The following ZCCHC14 variants were observed in gnomAD, a reference collection of about 807,000 sequenced individuals.
ZCCHC14 encodes the protein zinc finger CCHC-type containing 14.
ZCCHC14 carries 16 observed loss-of-function variants against 85.0 expected under a neutral mutation model. That is an observed-to-expected ratio of 0.19 (90% confidence interval 0.13 to 0.29). The LOEUF is 0.29. Ranked by LOEUF, ZCCHC14 falls within the 10% of genes least tolerant of loss-of-function variation. ZCCHC14 has a pLI of 1.00. For synonymous variants in ZCCHC14, 775 were observed against 630.7 expected, an observed-to-expected ratio of 1.23 and a Z score of -3.43; for missense variants, 1,303 against 1,443.5, an observed-to-expected ratio of 0.90 and a Z score of 1.58.
At chr16:87,411,419 C>A in intron 12 of ZCCHC14, 97 bp downstream of exon 12, 1 of 1,540,276 alleles carries the variant, frequency 6.5e-7, no homozygotes, top group Non-Finnish European at 8.7e-7. Flanking sequence ...AAATTATTTG[C>A]TTTACAAAGA....
chr16:87,469,710 A>G (rs1911693715), intron 1 of ZCCHC14, among the ~76,000 whole-genome samples: 1 of 152,166 alleles, frequency 6.6e-6, no homozygotes, highest in Admixed American at 6.5e-5. Flanking sequence ...GCTGTCACAG[A>G]GACTCGGAGC....
intron 2 of ZCCHC14, among the ~76,000 whole-genome samples, chr16:87,441,371 C>T (rs1003566145): frequency 9.9e-5 from 15 of 152,192 alleles, no homozygotes; most frequent in Non-Finnish European, 1.6e-4. Context: ...TCATCTTTCC[C>T]GGTTTTGTCT....
chr16:87,463,579 G>A (rs1305529701), intron 1 of ZCCHC14, among the ~76,000 whole-genome samples: 1 of 152,156 alleles, frequency 6.6e-6, no homozygotes. Context: ...AGCACTCTGG[G>A]AGGCCGAGGC....
In ZCCHC14 at chr16:87,418,868, G is replaced by T; in HGVS notation, c.1079C>A (p.Thr360Asn). The T allele has an allele frequency of 6.2e-7, 1 of 1,613,232 alleles. No individual in the cohort carries two copies. Among genetic ancestry groups the T allele is most frequent in the Admixed American group, 1.7e-5 (1 of 59,992 alleles). Residue 360 changes from threonine to asparagine, a missense_variant, in exon 7 of 13, where the codon ACC becomes AAC. Thr to Asn is a moderately conservative substitution (Grantham distance 65). This residue lies in a region of ZCCHC14 where 389 missense variants were observed against 397.8 expected (regional missense o/e 0.98). Transcript: ENST00000671377. ...TCACCTTCCAGACACGCCCATCACG[G>T]TACCTACTTTAGAAAGGGAGGGATT... ...PGNPSLSKVG[T>N]VMGVSGRPVC...
Position 87,420,332 on chromosome 16 carries a change from C to G in ZCCHC14, c.950+275G>C, listed in dbSNP as rs898579309. Among the ~76,000 whole-genome samples, 3 of 152,242 alleles carry G rather than the reference C, an allele frequency of 2.0e-5. No individual in the cohort carries two copies. Among genetic ancestry groups the G allele is most frequent in the African/African-American group, 7.2e-5 (3 of 41,464 alleles). On this transcript the variant is annotated intron_variant, in intron 5 of 12. Coordinates refer to ENST00000671377, the MANE Select transcript of ZCCHC14 (RefSeq NM_015144.3). This position sits in a 1 kb window ranked among gnomAD's most constrained non-coding sequence, Gnocchi z 5.0. ...TCAACCTTGGACTACAGGATGGAAA[C>G]AGCAGCCCAGGATTATTTCACAGGA...
chr16:87,467,123 G>A lies in ZCCHC14; in HGVS notation c.571-6992C>T. ...TGACCTCTAACTCCTGGCCTCAAAA[G>A]TGGTCCTCCACCAGATCAGACCTGT... On this transcript the variant is annotated intron_variant, in intron 1 of 12. Transcript: ENST00000671377. 5.1e-6 allele frequency: 4 copies of A among 785,668 alleles called. No individual in the cohort carries two copies. In the South Asian group the frequency reaches 6.2e-5, roughly 12 times the overall value. 48.7% of individuals were successfully genotyped at this position (785,668 alleles called of 1,614,324 possible).
chr16:87,481,660 G>C (rs1322874048), intron 1 of ZCCHC14, among the ~76,000 whole-genome samples: 1 of 151,286 alleles, frequency 6.6e-6, no homozygotes, highest in African/African-American at 2.4e-5. Flanking sequence ...GGTGTCACTG[G>C]AGACAAATCT....
At chr16:87,413,662 C>T (rs1908610745) in intron 10 of ZCCHC14, among the ~76,000 whole-genome samples, 1 of 152,128 alleles carries the variant, frequency 6.6e-6, no homozygotes, top group South Asian at 2.1e-4. Flanking sequence ...AGCAAGCGCG[C>T]CAGGTGTCCC....
intron 1 of ZCCHC14, among the ~76,000 whole-genome samples, chr16:87,463,037 C>T (rs1054130568): frequency 3.3e-5 from 5 of 152,164 alleles, no homozygotes; most frequent in African/African-American, 4.8e-5. Flanking sequence ...CATTGCACTC[C>T]AGCCTGGGCA....
chr16:87,412,133 C>T lies in ZCCHC14; in HGVS notation c.2588G>A (p.Cys863Tyr), dbSNP rs763019844. 4.3e-6 allele frequency: 7 copies of T among 1,613,658 alleles called. No homozygotes were observed. Among genetic ancestry groups the T allele is most frequent in the Non-Finnish European group, 3.4e-6 (4 of 1,180,022 alleles). Residue 863 changes from cysteine (C) to tyrosine (Y), a missense_variant, in exon 12 of 13, where the codon TGC (cysteine) becomes TAC (tyrosine). Cys to Tyr is a radical substitution (Grantham distance 194, BLOSUM62 -2). Transcript: ENST00000671377. ...SFANMATLPSCPAPSSSPALS... is the reference protein window; with the variant it reads ...SFANMATLPSYPAPSSSPALS... The stretch of plus-strand genomic sequence containing the variant: ...CGCCGGGCTGGAGCTGGGGGCTGGG[C>T]AGCTGGGCAACGTGGCCATGTTGGC...
At chr16:87,480,552 C>G (rs1912221740) in intron 1 of ZCCHC14, among the ~76,000 whole-genome samples, 1 of 152,124 alleles carries the variant, frequency 6.6e-6, no homozygotes, top group Non-Finnish European at 1.5e-5. Context: ...GAGTTGGTTA[C>G]AGGAGTGACT....
chr16:87,417,806 C>T (rs1908874316), intron 7 of ZCCHC14, 64 bp from the exon 8 acceptor site: 1 of 1,481,850 alleles, frequency 6.7e-7, no homozygotes, highest in Non-Finnish European at 8.9e-7. Context: ...GACTCCACCA[C>T]AGACCTCACT....
chr16:87,427,939 A>AT lies in ZCCHC14; in HGVS notation c.769-4059dup, dbSNP rs34933427. Reference sequence around the variant, plus strand: ...TGAGCCACTGCACCTGGCCTCTATGATTTTTTTTTTTTTTTTTTTTAAGAG... The same window carrying AT: ...TGAGCCACTGCACCTGGCCTCTATGATTTTTTTTTTTTTTTTTTTTTAAGAG... On this transcript the variant is annotated intron_variant, in intron 3 of 12. Coordinates refer to ENST00000671377, the MANE Select transcript of ZCCHC14 (RefSeq NM_015144.3). 2.0e-3 allele frequency among the ~76,000 whole-genome samples: 274 copies of AT among 137,126 alleles called. 4 individuals carry two copies. Among genetic ancestry groups the AT allele is most frequent in the East Asian group, 0.011 (50 of 4,596 alleles). 90.0% of individuals were successfully genotyped at this position (137,126 alleles called of 152,430 possible). A position where few individuals can be genotyped will look rare whatever the true frequency, so the allele number is the denominator to read the frequency against.
At chr16:87,443,418 G>A (rs1341809583) in intron 2 of ZCCHC14, among the ~76,000 whole-genome samples, 1 of 152,144 alleles carries the variant, frequency 6.6e-6, no homozygotes, top group Non-Finnish European at 1.5e-5. Flanking sequence ...TAAGTCAGCT[G>A]AGTTGGGATC....
chr16:87,479,657 T>C (rs193092780), intron 1 of ZCCHC14, among the ~76,000 whole-genome samples: 155 of 152,304 alleles, frequency 1.0e-3, no homozygotes, highest in Non-Finnish European at 7.5e-4. Flanking sequence ...CTTACCATGA[T>C]TTAAAGTTTT....
In ZCCHC14 at chr16:87,412,583, G is replaced by C. The variant is rs749012009; in HGVS notation, c.2138C>G (p.Ser713Cys). 2 of 1,614,108 alleles carry C rather than the reference G, an allele frequency of 1.2e-6. No homozygotes were observed. Among genetic ancestry groups the C allele is most frequent in the African/African-American group, 2.7e-5 (2 of 74,946 alleles). The change falls in exon 12 of 13, where the codon TCT (serine) becomes TGT (cysteine). Residue 713 changes from serine to cysteine, a missense_variant. Coordinates refer to ENST00000671377, the MANE Select transcript of ZCCHC14 (RefSeq NM_015144.3). ...CATGGAGCTGCTCTCCGAAAGCCCAGAGAGGACCTGCACAGGCTGGTGGGG... is the reference window on the plus strand; with the variant it reads ...CATGGAGCTGCTCTCCGAAAGCCCACAGAGGACCTGCACAGGCTGGTGGGG... ...SAPHQPVQVL[S>C]GLSESSSMSP...
chr16:87,430,663 G>T (rs752945626), intron 3 of ZCCHC14, among the ~76,000 whole-genome samples: 1 of 151,662 alleles, frequency 6.6e-6, no homozygotes, highest in East Asian at 1.9e-4. Context: ...CTGGGACTAC[G>T]GGTGCCCGCC....
In ZCCHC14 at chr16:87,450,155, C is replaced by T. The variant is rs1034198381; in HGVS notation, c.694+9853G>A. On this transcript the variant is annotated intron_variant, in intron 2 of 12. Coordinates refer to ENST00000671377, the MANE Select transcript of ZCCHC14 (RefSeq NM_015144.3). The stretch of plus-strand genomic sequence containing the variant: ...CACACTTGAACTAAGAGCTGTACCA[C>T]GATCACACCGTAGATACTTCCTGCT... 5.3e-5 allele frequency among the ~76,000 whole-genome samples: 8 copies of T among 152,212 alleles called. No individual in the cohort carries two copies. The East Asian group carries it at 9.6e-4, about 18-fold the overall frequency.
Position 87,412,066 on chromosome 16 carries a change from G to A in ZCCHC14, c.2655C>T (p.Gly885=), listed in dbSNP as rs139009476. The A allele has an allele frequency of 2.2e-5, 35 of 1,611,068 alleles. No homozygotes were observed. Among genetic ancestry groups the A allele is most frequent in the South Asian group, 1.8e-4 (16 of 91,082 alleles). Residue 885 remains glycine, a synonymous_variant, in exon 12 of 13, where the codon GGC becomes GGT. Transcript: ENST00000671377. ...GAATGTTTCCTGTGGAGCCGCCACC[G>A]CCACTGCTGCTATAGAAACTGCTTT... ...VPESSFYSSS[G]GGGSTGNIPA... is the part of the protein sequence containing the mutation.
Sources: gnomAD v4.1 joint callset for allele counts (sites outside exome capture counted in the v4.1 genomes callset) on GRCh38, gnomAD v4.1.1 for gene constraint, gnomAD v4.1.1 regional missense constraint, Gnocchi (gnomAD v3.1) non-coding constraint, MANE v1.5 for transcripts, NCBI Gene and HGNC (gene_info 2026-07-23, HGNC 2026-07-21) for gene names.